ZBTB20: variants seen among roughly 807,000 people sequenced by gnomAD.
The protein encoded by ZBTB20 is zinc finger and BTB domain-containing protein 20.
In ZBTB20, 9 loss-of-function variants were observed where a neutral mutation model predicts 56.9. The observed-to-expected ratio is 0.16, with a 90% CI of 0.10 to 0.28. ZBTB20 has a LOEUF of 0.28. Ranked by LOEUF, ZBTB20 falls within the 10% of genes least tolerant of loss-of-function variation. The pLI is 1.00. For missense variants in ZBTB20, 655 were observed against 1,003.0 expected (o/e 0.65, Z 4.69); for synonymous variants, 417 against 420.7 (o/e 0.99, Z 0.11).
intron 6 of ZBTB20, among the ~76,000 whole-genome samples, chr3:114,662,898 T>C (rs2108092757): frequency 6.6e-6 from 1 of 152,184 alleles, no homozygotes; most frequent in East Asian, 1.9e-4. Context: ...CTCTTTAGTT[T>C]AATCTACGTC....
chr3:114,814,556 C>T (rs2108892183), intron 4 of ZBTB20, among the ~76,000 whole-genome samples: 1 of 152,216 alleles, frequency 6.6e-6, no homozygotes, highest in East Asian at 1.9e-4. Context: ...AGAATAGCCT[C>T]AAATCTGCCT....
At chr3:114,613,066 T>C (rs4682162) in intron 6 of ZBTB20, among the ~76,000 whole-genome samples, 21,997 of 152,232 alleles carry the variant, frequency 0.14, 1,845 homozygotes, top group Admixed American at 0.25. Flanking sequence ...AAAGCTCTAA[T>C]TCCAAATGGA....
intron 1 of ZBTB20, among the ~76,000 whole-genome samples, chr3:115,112,252 G>T (rs1403114255): frequency 6.6e-6 from 1 of 152,020 alleles, no homozygotes; most frequent in Non-Finnish European, 1.5e-5. Context: ...AATGTGTAAT[G>T]ACAAAGTCAG....
chr3:115,027,231 A>G (rs1249313414), intron 2 of ZBTB20, among the ~76,000 whole-genome samples: 1 of 151,008 alleles, frequency 6.6e-6, no homozygotes, highest in East Asian at 1.9e-4. Flanking sequence ...AGTAAAATAA[A>G]CAATGTGAAT....
chr3:114,766,489 ATGTGTGTGTGTGTG>A (rs71297433), intron 5 of ZBTB20, among the ~76,000 whole-genome samples: 115 of 139,078 alleles, frequency 8.3e-4, no homozygotes, highest in South Asian at 2.0e-3. Context: ...TGGGATGGAA[ATGTGTGTGTGTGTG>A]TGTGTGTGTG....
At chr3:115,043,442 G>A (rs1251734332) in intron 2 of ZBTB20, among the ~76,000 whole-genome samples, 3 of 150,740 alleles carry the variant, frequency 2.0e-5, no homozygotes, top group South Asian at 2.1e-4. Context: ...GGTGGCAGCC[G>A]CCTGTAATCC....
chr3:114,418,751 C>T (rs2088836370), intron 7 of ZBTB20, among the ~76,000 whole-genome samples: 1 of 152,014 alleles, frequency 6.6e-6, no homozygotes. Context: ...TTAGTGTTTA[C>T]TTTCAATATA....
chr3:114,506,561 T>A (rs2044638324), intron 6 of ZBTB20, among the ~76,000 whole-genome samples: 1 of 152,158 alleles, frequency 6.6e-6, no homozygotes, highest in Non-Finnish European at 1.5e-5. Context: ...ATGATGACAT[T>A]CAGGAATCCT....
At chr3:115,111,516 G>C (rs1424043901) in intron 1 of ZBTB20, among the ~76,000 whole-genome samples, 1 of 152,008 alleles carries the variant, frequency 6.6e-6, no homozygotes, top group Admixed American at 6.6e-5. Flanking sequence ...TCTCTCCCTA[G>C]TATTTTTCCA....
At chr3:114,633,660 T>G (rs2107848926) in intron 6 of ZBTB20, among the ~76,000 whole-genome samples, 1 of 152,284 alleles carries the variant, frequency 6.6e-6, no homozygotes, top group Admixed American at 6.5e-5. Flanking sequence ...TTCTAATCAC[T>G]AAAAGGGGAA....
At chr3:115,078,783 T>C (rs1442224592) in intron 1 of ZBTB20, among the ~76,000 whole-genome samples, 3 of 151,864 alleles carry the variant, frequency 2.0e-5, no homozygotes, top group Admixed American at 6.6e-5. Context: ...CGGCACCTTA[T>C]TAGGTCTTTT....
chr3:114,887,595 A>G (rs2076649222), intron 4 of ZBTB20, among the ~76,000 whole-genome samples: 1 of 152,172 alleles, frequency 6.6e-6, no homozygotes, highest in Non-Finnish European at 1.5e-5. Context: ...CCAAAAGCCA[A>G]AGAATAAATG....
Position 114,594,037 on chromosome 3 carries a change from TTCTCATTTC to T in ZBTB20, c.-294-93655_-294-93647del, listed in dbSNP as rs575327667. ...TTCCATCAACACATATGTCCCACTG[TTCTCATTTC>T]TCTCACTTTACTATGTGATTAGTAG... On this transcript the variant is annotated intron_variant, in intron 6 of 11. Transcript: ENST00000675478. Among the ~76,000 whole-genome samples the T allele has an allele frequency of 6.9e-4, 105 of 152,302 alleles. 2 individuals carry two copies. The South Asian group carries it at 0.021, about 30-fold the overall frequency.
intron 6 of ZBTB20, among the ~76,000 whole-genome samples, chr3:114,666,298 T>G (rs538759927): frequency 1.8e-4 from 28 of 152,170 alleles, no homozygotes; most frequent in Admixed American, 1.2e-3. Flanking sequence ...TTTCCTTGCC[T>G]CAGTAGAAAT....
chr3:114,814,900 C>T (rs746926954), intron 4 of ZBTB20, among the ~76,000 whole-genome samples: 23 of 152,038 alleles, frequency 1.5e-4, no homozygotes, highest in Non-Finnish European at 2.1e-4. Context: ...CAAAGGTGTC[C>T]GAACAGGCAG....
rs1187800191 is a variant in ZBTB20, at chr3:114,315,345, C to T, written c.*23660G>A. ...CCTCTTTCCAAACTCTTCCTCAATT[C>T]CCAGGTCTTTGTTCTGAAAAGACAA... On this transcript the variant is annotated 3_prime_UTR_variant, in exon 12 of 12. Coordinates refer to ENST00000675478, the MANE Select transcript of ZBTB20 (RefSeq NM_001348800.3). 6.6e-6 allele frequency: 1 copy of T among 152,128 alleles called. No individual in the cohort carries two copies. Among genetic ancestry groups the T allele is most frequent in the Non-Finnish European group, 1.5e-5 (1 of 68,026 alleles). 9.4% of individuals were successfully genotyped at this position (152,128 alleles called of 1,614,324 possible).
At chr3:114,380,528 G>T in intron 9 of ZBTB20, 124 bp from the exon 10 acceptor site, 1 of 1,257,094 alleles carries the variant, frequency 8.0e-7, no homozygotes, top group Non-Finnish European at 1.1e-6. Context: ...AGTCCAGTAT[G>T]TCCCTTGTTT....
intron 4 of ZBTB20, among the ~76,000 whole-genome samples, chr3:114,841,545 A>T (rs2074384619): frequency 6.6e-6 from 1 of 152,196 alleles, no homozygotes; most frequent in Non-Finnish European, 1.5e-5. Context: ...AGTAGTTCTG[A>T]TATGAAGAAG....
chr3:114,930,928 A>G, intron 3 of ZBTB20: 1 of 187,884 alleles, frequency 5.3e-6, no homozygotes, highest in South Asian at 1.2e-4. Flanking sequence ...GCTGACCTTA[A>G]CCATCATTGA....
Sources: gnomAD v4.1 joint callset for allele counts (sites outside exome capture counted in the v4.1 genomes callset) on GRCh38, gnomAD v4.1.1 for gene constraint, MANE v1.5 for transcripts, NCBI Gene and HGNC (gene_info 2026-07-23, HGNC 2026-07-21) for gene names.